MYLK4: variants seen among roughly 807,000 people sequenced by gnomAD.
The protein encoded by MYLK4 is caMLCK like.
A neutral mutation model predicts 48.1 loss-of-function variants in MYLK4; 46 were observed. The observed-to-expected ratio is 0.96, with a 90% confidence interval of 0.75 to 1.22. The LOEUF is 1.22. Ranked by LOEUF, MYLK4 falls within the 50% of genes most tolerant of loss-of-function variation. The pLI is 0.00. For missense variants in MYLK4, 451 were observed against 486.1 expected (o/e 0.93, Z 0.68); for synonymous variants, 170 against 180.8 (o/e 0.94, Z 0.48).
intron 8 of MYLK4, 43 bp downstream of exon 8, chr6:2,680,178 G>T (rs1376174031): frequency 6.2e-7 from 1 of 1,601,804 alleles, no homozygotes; most frequent in Non-Finnish European, 8.5e-7. Context: ...CAACCATCAT[G>T]TCCCCCAGCT....
chr6:2,750,401 A>T (rs1764254528), intron 1 of MYLK4, among the ~76,000 whole-genome samples: 1 of 152,196 alleles, frequency 6.6e-6, no homozygotes. Flanking sequence ...AATACTATCA[A>T]CCAGAGCTCT....
intron 2 of MYLK4, among the ~76,000 whole-genome samples, chr6:2,693,772 T>A (rs950666891): frequency 6.6e-6 from 1 of 151,264 alleles, no homozygotes; most frequent in Non-Finnish European, 1.5e-5. Flanking sequence ...TTTTTTTTTT[T>A]TTGAGATGGA....
intron 2 of MYLK4, among the ~76,000 whole-genome samples, chr6:2,720,093 C>T (rs1312166942): frequency 6.6e-6 from 1 of 151,618 alleles, no homozygotes; most frequent in Admixed American, 6.6e-5. Context: ...GACCACTGTC[C>T]TAACATTTTT....
chr6:2,711,115 G>C (rs575461067), intron 2 of MYLK4, among the ~76,000 whole-genome samples: 2 of 152,134 alleles, frequency 1.3e-5, no homozygotes, highest in Admixed American at 1.3e-4. Context: ...ATCCTCCTCC[G>C]TGTGTGCCAC....
intron 2 of MYLK4, among the ~76,000 whole-genome samples, chr6:2,719,371 C>T (rs72838541): frequency 0.098 from 14,859 of 152,146 alleles, 782 homozygotes; most frequent in Non-Finnish European, 0.11. Context: ...CATAATCCCC[C>T]CAACACATGC....
intron 12 of MYLK4, 95 bp from the exon 13 acceptor site, chr6:2,667,994 T>G (rs1333989853): frequency 6.6e-6 from 1 of 152,180 alleles, no homozygotes; most frequent in East Asian, 1.9e-4. Context: ...CACAGATGAT[T>G]TTTTTTAATA....
chr6:2,749,036 C>T (rs1440023693), intron 2 of MYLK4, 100 bp downstream of exon 2: 2 of 1,103,414 alleles, frequency 1.8e-6, no homozygotes, highest in Non-Finnish European at 2.6e-6. Flanking sequence ...GATGCCTATT[C>T]ATAAACTTTC....
Position 2,683,127 on chromosome 6 carries a change from TC to T in MYLK4, c.580del (p.Asp194MetfsTer6), listed in dbSNP as rs1761377406. On this transcript the variant is annotated frameshift_variant, in exon 7 of 13. Transcript: ENST00000274643. LOFTEE classifies it high-confidence loss of function. ...AAGCTCCGTCAAATTGTAGCTCTCA[TC>T]GATGATGCGGTCAAACAGCTCCCCA... is the stretch of plus-strand genomic sequence containing the variant. ...DGGELFDRII[D>X]ESYNLTELDT... is the part of the protein sequence containing the mutation. The T allele has an allele frequency of 6.2e-7, 1 of 1,614,118 alleles. No individual in the cohort carries two copies. The highest frequency in any genetic ancestry group is 1.3e-5 in the African/African-American group (1 of 75,008).
At chr6:2,763,017 C>T in the MYLK4 span, among the ~76,000 whole-genome samples, 118 of 152,332 alleles carry the variant, frequency 7.7e-4, no homozygotes, top group African/African-American at 2.7e-3. Context: ...CCAAGCGGGT[C>T]TCCATCGCCA....
At chr6:2,679,566 A>C in intron 8 of MYLK4, 158 bp from the exon 9 acceptor site, 2 of 968,216 alleles carry the variant, frequency 2.1e-6, no homozygotes, top group South Asian at 1.4e-5. Context: ...AGAGGCTCAA[A>C]AACTTGTAAA....
chr6:2,770,198 A>G, the MYLK4 span: 2 of 1,614,226 alleles, frequency 1.2e-6, no homozygotes, highest in South Asian at 2.2e-5. Flanking sequence ...CTTCCAGGTC[A>G]ACGCTGCTCT....
intron 2 of MYLK4, among the ~76,000 whole-genome samples, chr6:2,730,408 C>T (rs1763437665): frequency 6.6e-6 from 1 of 152,152 alleles, no homozygotes; most frequent in Non-Finnish European, 1.5e-5. Flanking sequence ...TGAAAATTCC[C>T]AGTTTTCCTT....
intron 2 of MYLK4, among the ~76,000 whole-genome samples, chr6:2,745,734 G>A (rs1176691226): frequency 6.6e-6 from 1 of 151,864 alleles, no homozygotes; most frequent in African/African-American, 2.4e-5. Context: ...AGACCAGTCT[G>A]AGCAACACAT....
At chr6:2,727,059 T>C (rs138772187) in intron 2 of MYLK4, among the ~76,000 whole-genome samples, 7 of 152,230 alleles carry the variant, frequency 4.6e-5, no homozygotes, top group African/African-American at 1.7e-4. Flanking sequence ...GATTCTGCCA[T>C]CTGAAAGGTG....
intron 2 of MYLK4, among the ~76,000 whole-genome samples, chr6:2,702,674 G>GT (rs1350071609): frequency 6.6e-6 from 1 of 152,186 alleles, no homozygotes; most frequent in African/African-American, 2.4e-5. Context: ...ACAGTGTTAA[G>GT]TTGGGGAGGT....
rs1332479108 is a variant in MYLK4 at position 2,664,205 on chromosome 6, G to C, written c.*3720C>G. The C allele has an allele frequency of 6.6e-6, 1 of 152,140 alleles. No individual in the cohort carries two copies. The highest frequency in any genetic ancestry group is 1.5e-5 in the Non-Finnish European group (1 of 68,038). 9.4% of individuals were successfully genotyped at this position (152,140 alleles called of 1,614,324 possible). A position where few individuals can be genotyped will look rare whatever the true frequency, so the allele number is the denominator to read the frequency against. Reference sequence around the variant, plus strand: ...CAGGGAGCATGGTGATGGATAAGAAGACAAACTTGGATCCGAACTTAAGAA... The same window carrying C: ...CAGGGAGCATGGTGATGGATAAGAACACAAACTTGGATCCGAACTTAAGAA... On this transcript the variant is annotated 3_prime_UTR_variant, in exon 13 of 13. Coordinates refer to ENST00000274643, the MANE Select transcript of MYLK4 (RefSeq NM_001012418.5).
chr6:2,673,327 G>T lies in MYLK4; in HGVS notation c.1119+1720C>A, dbSNP rs552731367. On this transcript the variant is annotated intron_variant, in intron 11 of 12. Transcript: ENST00000274643. This position sits in a 1 kb window ranked among gnomAD's most constrained non-coding sequence, Gnocchi z 4.2. Reference sequence around the variant, plus strand: ...ATAAGTCTATTTTTACTTGACATCAGTACCAATTATCAAGGAAAGGTATAT... The same window carrying T: ...ATAAGTCTATTTTTACTTGACATCATTACCAATTATCAAGGAAAGGTATAT... 7.2e-5 allele frequency among the ~76,000 whole-genome samples: 11 copies of T among 152,200 alleles called. No homozygotes were observed. The highest frequency in any genetic ancestry group is 1.3e-4 in the Non-Finnish European group (9 of 68,030).
intron 6 of MYLK4, among the ~76,000 whole-genome samples, chr6:2,684,694 T>A (rs1761459033): frequency 6.6e-6 from 1 of 152,216 alleles, no homozygotes; most frequent in Non-Finnish European, 1.5e-5. Flanking sequence ...TTACAGTTTA[T>A]CAGGTATTGT....
chr6:2,679,304 C>T lies in MYLK4; in HGVS notation c.863G>A (p.Ser288Asn), dbSNP rs756567595. 3.7e-6 allele frequency: 6 copies of T among 1,614,166 alleles called. No individual in the cohort carries two copies. The highest frequency in any genetic ancestry group is 5.1e-6 in the Non-Finnish European group (6 of 1,180,008). The part of the protein sequence containing the change: ...DFVSFPTDMW[S>N]VGVIAYMLLS... ...CAGCATATAGGCGATGACCCCCACA[C>T]TCCACATGTCAGTGGGAAATGAAAC... is the stretch of plus-strand genomic sequence containing the variant. The change falls in exon 9 of 13, where the codon AGT becomes AAT. Residue 288 changes from serine (S) to asparagine (N), a missense_variant. By Grantham distance (46) the Ser-to-Asn change is conservative. Transcript: ENST00000274643.
Sources: gnomAD v4.1 joint callset for allele counts (sites outside exome capture counted in the v4.1 genomes callset) on GRCh38, gnomAD v4.1.1 for gene constraint, Gnocchi (gnomAD v3.1) non-coding constraint, MANE v1.5 for transcripts, NCBI Gene and HGNC (gene_info 2026-07-23, HGNC 2026-07-21) for gene names.